The following SH2D1B variants were observed in gnomAD, a reference collection of about 807,000 sequenced individuals.
SH2D1B encodes SH2 domain containing 1B, also known as SH2 domain-containing protein 1B.
A neutral mutation model predicts 16.3 loss-of-function variants in SH2D1B; 11 were observed. The ratio of observed to expected loss-of-function variants is 0.67; its 90% CI spans 0.42 to 1.11. The LOEUF (loss-of-function observed/expected upper bound fraction) is 1.11. SH2D1B is among the 50% of genes most tolerant of loss of function. The pLI, the probability that SH2D1B is intolerant of heterozygous loss-of-function variation, is 0.00. For synonymous variants in SH2D1B, 55 were observed against 56.1 expected (o/e 0.98, Z 0.09); for missense variants, 123 against 153.1 (o/e 0.80, Z 1.04).
At chr1:162,399,232 G>C (rs558402946) in intron 2 of SH2D1B, 145 bp from the exon 3 acceptor site, 1 of 706,192 alleles carries the variant, frequency 1.4e-6, no homozygotes, top group Admixed American at 3.0e-5. Flanking sequence ...ACCACTCCCA[G>C]TTCACAGAAA....
intron 2 of SH2D1B, among the ~76,000 whole-genome samples, chr1:162,400,822 G>T (rs879384250): frequency 1.3e-5 from 2 of 151,892 alleles, no homozygotes; most frequent in Non-Finnish European, 2.9e-5. Flanking sequence ...GGTAGCAGAC[G>T]CCTGTAATCC....
At chr1:162,397,431 G>T in intron 3 of SH2D1B, 116 bp from the exon 4 acceptor site, 2 of 1,077,254 alleles carry the variant, frequency 1.9e-6, no homozygotes, top group Non-Finnish European at 1.4e-6. Context: ...CCATGTTGAT[G>T]CCACCTGAAA....
At chr1:162,397,714 G>A (rs1396585825) in intron 3 of SH2D1B, among the ~76,000 whole-genome samples, 1 of 152,198 alleles carries the variant, frequency 6.6e-6, no homozygotes. Flanking sequence ...CTGATGGAGT[G>A]AGATTCATGC....
intron 1 of SH2D1B, among the ~76,000 whole-genome samples, chr1:162,406,454 C>CATGTATAATGAACCATTT (rs1648657066): frequency 6.6e-6 from 1 of 152,110 alleles, no homozygotes; most frequent in Admixed American, 6.5e-5. Context: ...TGCAAGCCAT[C>CATGTATAATGAACCATTT]ATGTATAATG....
chr1:162,398,216 C>T (rs1648426656), intron 3 of SH2D1B, among the ~76,000 whole-genome samples: 1 of 152,172 alleles, frequency 6.6e-6, no homozygotes, highest in African/African-American at 2.4e-5. Context: ...CCATCACCTG[C>T]CACTGATAAC....
At chr1:162,403,669 C>T (rs1648584834) in intron 1 of SH2D1B, among the ~76,000 whole-genome samples, 1 of 139,648 alleles carries the variant, frequency 7.2e-6, no homozygotes, top group African/African-American at 2.8e-5. Context: ...ATGGAATCAA[C>T]CTAACTTGAT....
chr1:162,403,511 AATATATATATATATATAT>A (rs201259868), intron 1 of SH2D1B, among the ~76,000 whole-genome samples: 738 of 41,518 alleles, frequency 0.018, 15 homozygotes, highest in East Asian at 0.047. Context: ...AAAAAAAAAA[AATATATATATATATATAT>A]ATATATATAT....
chr1:162,400,286 C>CTTTTTTTTTTTTTTTTTTTTTTTTT (rs1241054289), intron 2 of SH2D1B, among the ~76,000 whole-genome samples: 1 of 83,284 alleles, frequency 1.2e-5, no homozygotes, highest in East Asian at 4.0e-4. Context: ...ACACCACGTA[C>CTTTTTTTTTTTTTTTTTTTTTTTTT]TTTTTTTTTT....
intron 1 of SH2D1B, 73 bp from the exon 2 acceptor site, chr1:162,402,875 A>C: frequency 8.8e-7 from 1 of 1,142,238 alleles, no homozygotes; most frequent in Non-Finnish European, 1.3e-6. Context: ...TATGTTTCAT[A>C]TGCAATACCT....
intron 1 of SH2D1B, among the ~76,000 whole-genome samples, chr1:162,410,249 T>C (rs2101865088): frequency 6.6e-6 from 1 of 152,336 alleles, no homozygotes; most frequent in African/African-American, 2.4e-5. Context: ...ACCCCTGATG[T>C]TTCCTCCGAG....
At position 162,411,882 on chromosome 1, in the gene SH2D1B, C is replaced by G. The variant is rs146301945; in HGVS notation, c.134+1G>C. 1 of 1,613,980 alleles carries G rather than the reference C, an allele frequency of 6.2e-7. No homozygotes were observed. Among genetic ancestry groups the G allele is most frequent in the East Asian group, 2.2e-5 (1 of 44,896 alleles). On this transcript the variant is annotated splice_donor_variant, in intron 1 of 3. Transcript: ENST00000367929. LOFTEE classifies it high-confidence loss of function. ...GATGTGTGCAAGATGAGGCTACTCA[C>G]GAGACACAGAGGCACAGGACTCCTG...
chr1:162,404,042 A>G (rs936347152), intron 1 of SH2D1B, among the ~76,000 whole-genome samples: 2 of 152,192 alleles, frequency 1.3e-5, no homozygotes, highest in East Asian at 3.8e-4. Context: ...ATAACCATAT[A>G]TTACGTTCTT....
chr1:162,398,969 G>C lies in SH2D1B; in HGVS notation c.317C>G (p.Pro106Arg). ...HLLKPIKRTS[P>R]SLRWRGLKLE... Reference sequence around the variant, plus strand: ...TTTCAATCCTCTCCATCTCAAGCTGGGGCTGGTTCTCTTTATTGGCTTTAA... The same window carrying C: ...TTTCAATCCTCTCCATCTCAAGCTGCGGCTGGTTCTCTTTATTGGCTTTAA... Residue 106 changes from proline (P) to arginine (R), a missense_variant, in exon 3 of 4, where the codon CCC becomes CGC. Transcript: ENST00000367929. The C allele has an allele frequency of 6.2e-7, 1 of 1,613,670 alleles. No homozygotes were observed. Among genetic ancestry groups the C allele is most frequent in the Non-Finnish European group, 8.5e-7 (1 of 1,179,798 alleles).
chr1:162,402,619 G>GC, intron 2 of SH2D1B, 120 bp downstream of exon 2: 1 of 780,914 alleles, frequency 1.3e-6, no homozygotes, highest in South Asian at 1.6e-5. Context: ...TCTCATCTCT[G>GC]CATTGTGCTT....
chr1:162,407,594 G>C (rs1335309478), intron 1 of SH2D1B, among the ~76,000 whole-genome samples: 2 of 152,206 alleles, frequency 1.3e-5, no homozygotes, highest in African/African-American at 2.4e-5. Flanking sequence ...TTGGCTCATA[G>C]ATAATACCTA....
intron 3 of SH2D1B, 65 bp downstream of exon 3, chr1:162,398,858 C>T (rs1302321740): frequency 3.3e-6 from 5 of 1,520,770 alleles, no homozygotes; most frequent in African/African-American, 1.4e-5. Context: ...ATTGAGTTTA[C>T]AAAGTAAGGC....
chr1:162,398,977 T>A lies in SH2D1B; in HGVS notation c.309A>T (p.Arg103Ser), dbSNP rs1357452790. The A allele has an allele frequency of 3.7e-6, 6 of 1,613,974 alleles. No homozygotes were observed. Among genetic ancestry groups the A allele is most frequent in the Non-Finnish European group, 5.1e-6 (6 of 1,179,958 alleles). ...MVVHLLKPIK[R>S]TSPSLRWRGL... The stretch of plus-strand genomic sequence containing the variant: ...CTCTCCATCTCAAGCTGGGGCTGGT[T>A]CTCTTTATTGGCTTTAAAAGGTGAA... The change falls in exon 3 of 4, where the codon AGA (arginine) becomes AGT (serine). Residue 103 changes from arginine (R) to serine (S), a missense_variant. Coordinates refer to ENST00000367929, the MANE Select transcript of SH2D1B (RefSeq NM_053282.5).
At position 162,397,203 on chromosome 1, in the gene SH2D1B, C is replaced by T; in HGVS notation, c.*77G>A. ...GTCCACTAGAGTTTGGTGCTCTGGA[C>T]CTATGCCTGCAGAAGTGGGTCATCA... is the stretch of plus-strand genomic sequence containing the variant. On this transcript the variant is annotated 3_prime_UTR_variant, in exon 4 of 4. Coordinates refer to ENST00000367929, the MANE Select transcript of SH2D1B (RefSeq NM_053282.5). The T allele has an allele frequency of 6.6e-7, 1 of 1,518,654 alleles. No individual in the cohort carries two copies. The highest frequency in any genetic ancestry group is 9.1e-7 in the Non-Finnish European group (1 of 1,094,366). The allele number at this position is 1,518,654 out of a possible 1,614,324, so 94.1% of individuals were successfully genotyped here.
At chr1:162,407,629 G>A (rs1648681858) in intron 1 of SH2D1B, among the ~76,000 whole-genome samples, 1 of 152,226 alleles carries the variant, frequency 6.6e-6, no homozygotes, top group Non-Finnish European at 1.5e-5. Context: ...CTGTGTCAGT[G>A]AAGACAAGCA....
Sources: allele counts gnomAD v4.1 joint callset (sites outside exome capture counted in the v4.1 genomes callset), GRCh38; gene constraint gnomAD v4.1.1; transcripts MANE v1.5; gene names NCBI Gene and HGNC (gene_info 2026-07-23, HGNC 2026-07-21).